The following ALDH1L1 variants were observed in gnomAD, a reference collection of about 807,000 sequenced individuals.
ALDH1L1 encodes the protein cytosolic 10-formyltetrahydrofolate dehydrogenase.
A neutral mutation model predicts 101.1 loss-of-function variants in ALDH1L1; 68 were observed. The ratio of observed to expected loss-of-function variants is 0.67; its 90% CI spans 0.55 to 0.82. The LOEUF (loss-of-function observed/expected upper bound fraction) is 0.82, where lower values mean the gene tolerates loss of function less well. ALDH1L1 is among the 40% of genes least tolerant of loss of function. ALDH1L1 has a pLI of 0.00. For missense variants in ALDH1L1, 1,087 were observed against 1,172.7 expected, an observed-to-expected ratio of 0.93 and a Z score of 1.07; for synonymous variants, 486 against 470.8, an observed-to-expected ratio of 1.03 and a Z score of -0.42.
rs1390625378 is a variant in ALDH1L1 at position 126,153,494 on chromosome 3, C to T, written c.808G>A (p.Gly270Arg). ...ALPIPGAHRP[G>R]VVTKAGLILF... ...ATGAGTCCTGCTTTGGTGACCACCC[C>T]TGGCCGATGGGCTCCTGGGATGGGC... Residue 270 changes from glycine to arginine, a missense_variant, in exon 7 of 23, where the codon GGG becomes AGG. By Grantham distance (125) the Gly-to-Arg change is moderately radical (BLOSUM62 -2). This residue lies in a region of ALDH1L1 where 645 missense variants were observed against 637.0 expected (regional missense o/e 1.01). Coordinates refer to ENST00000393434, the MANE Select transcript of ALDH1L1 (RefSeq NM_012190.4). The T allele has an allele frequency of 1.2e-6, 2 of 1,614,192 alleles. No individual in the cohort carries two copies. Among genetic ancestry groups the T allele is most frequent in the Non-Finnish European group, 1.7e-6 (2 of 1,180,038 alleles).
intron 3 of ALDH1L1, among the ~76,000 whole-genome samples, chr3:126,158,196 A>C (rs1427107140): frequency 6.6e-6 from 1 of 152,224 alleles, no homozygotes; most frequent in East Asian, 1.9e-4. Context: ...AGTGCTTAGC[A>C]ACACCTGCTC....
At position 126,137,815 on chromosome 3, in the gene ALDH1L1, A is replaced by C; in HGVS notation, c.1222T>G (p.Tyr408Asp). ...DDEEGECSID[Y>D]VEMAVNKRTV... ...TGCAGGGAGGGCCCAGCACTCACGTAGTCAATGCTGCACTCGCCCTCCTCA... is the reference window on the plus strand; with the variant it reads ...TGCAGGGAGGGCCCAGCACTCACGTCGTCAATGCTGCACTCGCCCTCCTCA... Residue 408 changes from tyrosine (Y) to aspartate (D), a missense_variant and splice_region_variant, in exon 10 of 23, where the codon TAC (tyrosine) becomes GAC (aspartate). Coordinates refer to ENST00000393434, the MANE Select transcript of ALDH1L1 (RefSeq NM_012190.4). 4 of 1,613,740 alleles carry C rather than the reference A, an allele frequency of 2.5e-6. No homozygotes were observed. Among genetic ancestry groups the C allele is most frequent in the Non-Finnish European group, 3.4e-6 (4 of 1,179,864 alleles).
In ALDH1L1 at chr3:126,158,478, C is replaced by G. The variant is rs1207374654; in HGVS notation, c.289G>C (p.Ala97Pro). 6.2e-7 allele frequency: 1 copy of G among 1,614,018 alleles called. No homozygotes were observed. Among genetic ancestry groups the G allele is most frequent in the Admixed American group, 1.7e-5 (1 of 60,004 alleles). ...SQFIPMEIISAPRHGSIIYHP... is the reference protein window; with the variant it reads ...SQFIPMEIISPPRHGSIIYHP... ...TAGATGATGGAGCCATGCCGGGGGG[C>G]ACTGATTATCTCCATGGGGATGAAT... is the stretch of plus-strand genomic sequence containing the variant. The change falls in exon 3 of 23, where the codon GCC becomes CCC. Residue 97 changes from alanine to proline, a missense_variant. Around this residue, in one of 2 missense-constraint regions of ALDH1L1, gnomAD observed 645 missense variants for 637.0 expected, o/e 1.01. Coordinates refer to ENST00000393434, the MANE Select transcript of ALDH1L1 (RefSeq NM_012190.4).
intron 9 of ALDH1L1, among the ~76,000 whole-genome samples, 189 bp from the exon 10 acceptor site, chr3:126,138,149 CT>C (rs2080491265): frequency 6.6e-6 from 1 of 152,182 alleles, no homozygotes; most frequent in South Asian, 2.1e-4. Flanking sequence ...CAAATTCTCG[CT>C]CCATTACTTT....
chr3:126,136,231 C>G (rs2080441324), intron 11 of ALDH1L1, among the ~76,000 whole-genome samples: 1 of 152,126 alleles, frequency 6.6e-6, no homozygotes, highest in Non-Finnish European at 1.5e-5. Context: ...ATAGGATGGA[C>G]AGGATAGAAA....
At chr3:126,159,222 G>GCA (rs143177704) in intron 2 of ALDH1L1, among the ~76,000 whole-genome samples, 5,241 of 147,842 alleles carry the variant, frequency 0.035, 222 homozygotes, top group African/African-American at 0.11. Context: ...ACACATGCGT[G>GCA]CACACACACA....
At chr3:126,107,345 A>T in intron 20 of ALDH1L1, 99 bp from the exon 21 acceptor site, 1 of 928,466 alleles carries the variant, frequency 1.1e-6, no homozygotes, top group South Asian at 1.3e-5. Context: ...CCACCTGCGG[A>T]TGACCCGACA....
rs373955548 is a variant in ALDH1L1 at position 126,155,068 on chromosome 3, C to T, written c.630+334G>A. ...TATTGCTCCAGAGACCCGCACTGTCCCTCACACCTTGCCTTGAAGACTGCT... is the reference window on the plus strand; with the variant it reads ...TATTGCTCCAGAGACCCGCACTGTCTCTCACACCTTGCCTTGAAGACTGCT... On this transcript the variant is annotated intron_variant, in intron 5 of 22. Coordinates refer to ENST00000393434, the MANE Select transcript of ALDH1L1 (RefSeq NM_012190.4). 2.0e-5 allele frequency among the ~76,000 whole-genome samples: 3 copies of T among 152,294 alleles called. No individual in the cohort carries two copies. In the East Asian group the frequency reaches 5.8e-4, roughly 29 times the overall value.
At chr3:126,142,076 G>T (rs1167129230) in intron 9 of ALDH1L1, among the ~76,000 whole-genome samples, 3 of 149,768 alleles carry the variant, frequency 2.0e-5, no homozygotes, top group Non-Finnish European at 4.4e-5. Context: ...AAATTATATG[G>T]CAACAGATTT....
At chr3:126,174,186 G>A (rs2081332963) in intron 1 of ALDH1L1, among the ~76,000 whole-genome samples, 1 of 151,288 alleles carries the variant, frequency 6.6e-6, no homozygotes, top group Non-Finnish European at 1.5e-5. Flanking sequence ...TTACAGGCAT[G>A]CACCACCACG....
intron 17 of ALDH1L1, 48 bp from the exon 18 acceptor site, chr3:126,114,704 G>A (rs1946183115): frequency 6.5e-7 from 1 of 1,548,642 alleles, no homozygotes; most frequent in Non-Finnish European, 8.8e-7. Flanking sequence ...AGGGCAGGTA[G>A]GGGCATTGGG....
Position 126,157,995 on chromosome 3 carries a change from G to A in ALDH1L1, c.362+410C>T, listed in dbSNP as rs534957309. 3.3e-5 allele frequency among the ~76,000 whole-genome samples: 5 copies of A among 152,120 alleles called. No individual in the cohort carries two copies. The South Asian group carries it at 1.0e-3, about 32-fold the overall frequency. ...TTGCTCCATCTTTATCTCTTTCTAC[G>A]AAGTGTGCTGCCCAGAGCAGCGGCA... On this transcript the variant is annotated intron_variant, in intron 3 of 22. Transcript: ENST00000393434.
chr3:126,141,050 G>T (rs975311640), intron 9 of ALDH1L1, among the ~76,000 whole-genome samples: 2 of 152,056 alleles, frequency 1.3e-5, no homozygotes, highest in East Asian at 3.9e-4. Flanking sequence ...TGCTACAAGA[G>T]AATCACTTAG....
chr3:126,150,458 C>T lies in ALDH1L1; in HGVS notation c.932G>A (p.Ser311Asn), dbSNP rs1226033337. The T allele has an allele frequency of 5.8e-6, 9 of 1,551,516 alleles. No homozygotes were observed. Among genetic ancestry groups the T allele is most frequent in the African/African-American group, 1.4e-5 (1 of 73,054 alleles). The part of the protein sequence containing the change: ...LASNFFKGAA[S>N]SVLELTEAEL... ...TGCCTCTGTCAGCTCAAGGACACTGCTGGCTGCCCCCTTAAAGAAGTTCGA... is the reference window on the plus strand; with the variant it reads ...TGCCTCTGTCAGCTCAAGGACACTGTTGGCTGCCCCCTTAAAGAAGTTCGA... The change falls in exon 8 of 23, where the codon AGC (serine) becomes AAC (asparagine). Residue 311 changes from serine to asparagine, a missense_variant. By Grantham distance (46) the Ser-to-Asn change is conservative. This residue lies in a region of ALDH1L1 where 645 missense variants were observed against 637.0 expected (regional missense o/e 1.01). Coordinates refer to ENST00000393434, the MANE Select transcript of ALDH1L1 (RefSeq NM_012190.4).
chr3:126,114,687 T>C (rs941069013), intron 17 of ALDH1L1, 31 bp from the exon 18 acceptor site: 38 of 1,547,294 alleles, frequency 2.5e-5, no homozygotes, highest in Non-Finnish European at 3.2e-5. Flanking sequence ...GTGGGGCCGG[T>C]CCCTCCAGGG....
intron 7 of ALDH1L1, chr3:126,152,650 C>T (rs2080828503): frequency 6.4e-6 from 1 of 155,478 alleles, no homozygotes; most frequent in Admixed American, 6.4e-5. Flanking sequence ...TGGGAAGATC[C>T]CTGCCTGCCC....
Position 126,105,964 on chromosome 3 carries a change from G to A in ALDH1L1, c.2454-39C>T, listed in dbSNP as rs1359026581. The A allele has an allele frequency of 4.4e-6, 7 of 1,593,400 alleles. No individual in the cohort carries two copies. The East Asian group carries it at 9.0e-5, about 20-fold the overall frequency. On this transcript the variant is annotated intron_variant, in intron 21 of 22. Coordinates refer to ENST00000393434, the MANE Select transcript of ALDH1L1 (RefSeq NM_012190.4). Reference sequence around the variant, plus strand: ...CCAGGAAGAACTCCCTGAGGGAGGTGCAGAGGAGAGCCTGGCCCACTCCAC... The same window carrying A: ...CCAGGAAGAACTCCCTGAGGGAGGTACAGAGGAGAGCCTGGCCCACTCCAC...
intron 1 of ALDH1L1, among the ~76,000 whole-genome samples, chr3:126,168,588 T>G (rs555026445): frequency 1.1e-3 from 166 of 152,232 alleles, no homozygotes; most frequent in African/African-American, 3.9e-3. Context: ...TTTCATAATA[T>G]CGAGGGTTTT....
intron 22 of ALDH1L1, chr3:126,104,971 G>A (rs1945812318): frequency 6.4e-6 from 1 of 156,746 alleles, no homozygotes; most frequent in Non-Finnish European, 1.4e-5. Context: ...CCCCTGCTGA[G>A]AGAGCAGGAC....
Sources: gnomAD v4.1 joint callset for allele counts (sites outside exome capture counted in the v4.1 genomes callset) on GRCh38, gnomAD v4.1.1 for gene constraint, gnomAD v4.1.1 regional missense constraint, MANE v1.5 for transcripts, NCBI Gene and HGNC (gene_info 2026-07-23, HGNC 2026-07-21) for gene names.